The following CSMD1 variants were observed in gnomAD, a reference collection of about 807,000 sequenced individuals.
The protein encoded by CSMD1 is CUB and Sushi multiple domains 1.
Under a neutral mutation model 417.5 loss-of-function variants are expected in CSMD1, and 213 were observed. That is an observed-to-expected ratio of 0.51 (90% confidence interval 0.46 to 0.57). The LOEUF (loss-of-function observed/expected upper bound fraction) is 0.57. Among genes scored for constraint, CSMD1 ranks in the 20% least tolerant of loss-of-function variants. The pLI is 0.00. For synonymous variants in CSMD1, 2,862 were observed against 1,736.8 expected, an observed-to-expected ratio of 1.65 and a Z score of -16.11; for missense variants, 6,923 against 4,529.7, an observed-to-expected ratio of 1.53 and a Z score of -15.17.
chr8:4,067,482 A>AG (rs201913900), intron 3 of CSMD1, among the ~76,000 whole-genome samples: 8,271 of 151,348 alleles, frequency 0.055, 388 homozygotes, highest in East Asian at 0.3. Context: ...GAAATAAATT[A>AG]CTTTTTTTTT....
intron 8 of CSMD1, among the ~76,000 whole-genome samples, chr8:3,609,531 G>A (rs149616312): frequency 5.9e-5 from 9 of 152,074 alleles, no homozygotes; most frequent in African/African-American, 2.2e-4. Context: ...ACGGAAAAGG[G>A]ATTTCTCAAG....
intron 10 of CSMD1, among the ~76,000 whole-genome samples, chr8:3,533,747 C>A (rs1243665766): frequency 6.6e-6 from 1 of 152,170 alleles, no homozygotes. Context: ...CTCCAAGGTG[C>A]TTGAGGCATC....
intron 1 of CSMD1, among the ~76,000 whole-genome samples, chr8:4,741,499 A>G (rs1810602451): frequency 6.6e-6 from 1 of 152,220 alleles, no homozygotes; most frequent in African/African-American, 2.4e-5. Flanking sequence ...TTATAGTAGA[A>G]TCCGTAAGCA....
intron 7 of CSMD1, among the ~76,000 whole-genome samples, chr8:3,703,957 G>C (rs373888085): frequency 6.6e-6 from 1 of 152,080 alleles, no homozygotes; most frequent in Non-Finnish European, 1.5e-5. Flanking sequence ...TGTACTCCCT[G>C]CTATTTGGGA....
chr8:4,233,932 G>T (rs1247787645), intron 3 of CSMD1, among the ~76,000 whole-genome samples: 1 of 151,550 alleles, frequency 6.6e-6, no homozygotes, highest in African/African-American at 2.4e-5. Context: ...ATGCCTTAAT[G>T]AGGTGAGACT....
intron 37 of CSMD1, among the ~76,000 whole-genome samples, chr8:3,175,511 T>TGCCTTCCTC (rs1356860287): frequency 1.3e-4 from 7 of 54,452 alleles, no homozygotes; most frequent in Non-Finnish European, 3.3e-4. Flanking sequence ...CTGCCTGCCT[T>TGCCTTCCTC]TTTTCCTTCC....
intron 4 of CSMD1, among the ~76,000 whole-genome samples, chr8:4,028,404 T>C (rs750962936): frequency 6.6e-6 from 1 of 152,064 alleles, no homozygotes; most frequent in Non-Finnish European, 1.5e-5. Flanking sequence ...ACATACTAGC[T>C]TGTGGGGTGG....
At chr8:3,474,256 C>T (rs4875722) in intron 11 of CSMD1, among the ~76,000 whole-genome samples, 33,640 of 151,928 alleles carry the variant, frequency 0.22, 5,099 homozygotes, top group East Asian at 0.59. Flanking sequence ...GAATATAAAT[C>T]GTCAAATAAA....
At chr8:3,229,890 A>G in intron 27 of CSMD1, 150 bp downstream of exon 27, 1 of 558,852 alleles carries the variant, frequency 1.8e-6, no homozygotes, top group South Asian at 3.3e-5. Context: ...AAAGGTTTAC[A>G]ATAAAATTTC....
At chr8:3,446,036 A>T (rs1815283916) in intron 12 of CSMD1, among the ~76,000 whole-genome samples, 1 of 152,214 alleles carries the variant, frequency 6.6e-6, no homozygotes. Context: ...CCGGATTGAT[A>T]ATTACATTTT....
At chr8:3,901,643 G>A (rs1354530726) in intron 5 of CSMD1, among the ~76,000 whole-genome samples, 2 of 152,152 alleles carry the variant, frequency 1.3e-5, no homozygotes, top group African/African-American at 4.8e-5. Context: ...ACAGTATCTG[G>A]CTCCTCCAAT....
intron 69 of CSMD1, among the ~76,000 whole-genome samples, chr8:2,939,584 C>A (rs1335415295): frequency 1.3e-5 from 2 of 152,096 alleles, no homozygotes; most frequent in Non-Finnish European, 2.9e-5. Flanking sequence ...GAAAAATGTG[C>A]CACGTGGCAA....
At chr8:4,175,897 T>C (rs903070252) in intron 3 of CSMD1, among the ~76,000 whole-genome samples, 7 of 152,130 alleles carry the variant, frequency 4.6e-5, no homozygotes, top group African/African-American at 1.7e-4. Context: ...TGATTTCTAG[T>C]CCTAATTACC....
At chr8:3,712,373 C>G (rs1442336005) in intron 6 of CSMD1, among the ~76,000 whole-genome samples, 1 of 111,956 alleles carries the variant, frequency 8.9e-6, no homozygotes, top group Admixed American at 9.8e-5. Flanking sequence ...TGCAAAGAAA[C>G]AGGAGAGAGA....
intron 3 of CSMD1, among the ~76,000 whole-genome samples, chr8:4,317,688 T>A (rs1309245304): frequency 1.3e-5 from 2 of 152,118 alleles, no homozygotes; most frequent in Non-Finnish European, 2.9e-5. Flanking sequence ...TTTATAGACT[T>A]AGAAGTGAGG....
intron 50 of CSMD1, among the ~76,000 whole-genome samples, chr8:3,052,106 T>C (rs1462037317): frequency 6.6e-6 from 1 of 152,190 alleles, no homozygotes; most frequent in Non-Finnish European, 1.5e-5. Context: ...TGTTACATTA[T>C]GTTTTAACAT....
At chr8:4,480,812 G>C (rs1040636006) in intron 2 of CSMD1, among the ~76,000 whole-genome samples, 1 of 152,150 alleles carries the variant, frequency 6.6e-6, no homozygotes, top group Non-Finnish European at 1.5e-5. Flanking sequence ...TGTGTTTCCT[G>C]AGGCCGACTG....
At chr8:3,707,543 A>T (rs1333759815) in intron 7 of CSMD1, among the ~76,000 whole-genome samples, 2 of 152,218 alleles carry the variant, frequency 1.3e-5, no homozygotes, top group African/African-American at 2.4e-5. Context: ...CCCACTTGGT[A>T]TCTCAGTAGA....
At chr8:3,561,586 A>G (rs1272875412) in intron 10 of CSMD1, among the ~76,000 whole-genome samples, 1 of 152,158 alleles carries the variant, frequency 6.6e-6, no homozygotes, top group Non-Finnish European at 1.5e-5. Flanking sequence ...ACACATGGAG[A>G]TAAGGATGGC....
Sources: allele counts gnomAD v4.1 joint callset (sites outside exome capture counted in the v4.1 genomes callset), GRCh38; gene constraint gnomAD v4.1.1; transcripts MANE v1.5; gene names NCBI Gene and HGNC (gene_info 2026-07-23, HGNC 2026-07-21).